ATRN: variants seen among roughly 807,000 people sequenced by gnomAD.
ATRN encodes the protein attractin-2.
ATRN carries 54 observed loss-of-function variants against 178.7 expected under a neutral mutation model. That is an observed-to-expected ratio of 0.30 (90% confidence interval 0.24 to 0.38). ATRN has a LOEUF of 0.38. ATRN is among the 10% of genes least tolerant of loss of function. The pLI, the probability that ATRN is intolerant of heterozygous loss-of-function variation, is 1.00. For synonymous variants in ATRN, 636 were observed against 663.0 expected, an observed-to-expected ratio of 0.96 and a Z score of 0.63; for missense variants, 1,443 against 1,815.1, an observed-to-expected ratio of 0.79 and a Z score of 3.73.
chr20:3,479,583 A>G (rs1345506823), intron 1 of ATRN, among the ~76,000 whole-genome samples: 1 of 152,194 alleles, frequency 6.6e-6, no homozygotes, highest in East Asian at 1.9e-4. Flanking sequence ...GGATTATCAT[A>G]CTTAGTGTAT....
intron 1 of ATRN, among the ~76,000 whole-genome samples, chr20:3,474,998 C>G (rs1284554402): frequency 1.4e-5 from 2 of 146,182 alleles, no homozygotes; most frequent in African/African-American, 2.6e-5. Flanking sequence ...CGCCATTGCA[C>G]TCCAGACCAG....
At chr20:3,488,164 G>A (rs914136256) in intron 1 of ATRN, among the ~76,000 whole-genome samples, 1 of 152,126 alleles carries the variant, frequency 6.6e-6, no homozygotes, top group Non-Finnish European at 1.5e-5. Context: ...TCAGCTGGCA[G>A]TTAAAATGAT....
intron 20 of ATRN, among the ~76,000 whole-genome samples, chr20:3,596,171 A>G (rs2086525297): frequency 6.6e-6 from 1 of 152,172 alleles, no homozygotes; most frequent in Admixed American, 6.5e-5. Flanking sequence ...TTGTCCTCAT[A>G]TAGTTGGTGT....
intron 1 of ATRN, among the ~76,000 whole-genome samples, chr20:3,492,098 T>C (rs1448705360): frequency 6.6e-6 from 1 of 152,034 alleles, no homozygotes; most frequent in Non-Finnish European, 1.5e-5. Context: ...TTGCCTAATA[T>C]TCAGGGCCCT....
intron 12 of ATRN, among the ~76,000 whole-genome samples, chr20:3,573,899 G>A (rs1332183493): frequency 6.6e-6 from 1 of 151,826 alleles, no homozygotes; most frequent in Non-Finnish European, 1.5e-5. Context: ...CACCATGCTC[G>A]GCTAGTTTTT....
In ATRN at chr20:3,602,190, C is replaced by T. The variant is rs190698204; in HGVS notation, c.3643+1166C>T. ...ACTAAAAATACAAAAATCAGCCAGG[C>T]GTGGAGGCACGTGCCTGTAATCCCA... On this transcript the variant is annotated intron_variant, in intron 23 of 28. Coordinates refer to ENST00000262919, the MANE Select transcript of ATRN (RefSeq NM_139321.3). 1.0e-3 allele frequency among the ~76,000 whole-genome samples: 158 copies of T among 151,434 alleles called. 5 individuals are homozygous for T. In the East Asian group the frequency reaches 0.028, roughly 27 times the overall value.
chr20:3,588,981 G>GTTTTT (rs386393128), intron 18 of ATRN, among the ~76,000 whole-genome samples: 4,217 of 99,664 alleles, frequency 0.042, 614 homozygotes, highest in South Asian at 0.058. Flanking sequence ...ATTTTCTTTT[G>GTTTTT]TTTTTTTTTT....
At position 3,584,672 on chromosome 20, in the gene ATRN, C is replaced by T. The variant is rs748413639; in HGVS notation, c.2976C>T (p.Thr992=). The change falls in exon 18 of 29, where the codon ACC becomes ACT. Residue 992 remains threonine (T), a synonymous_variant. Coordinates refer to ENST00000262919, the MANE Select transcript of ATRN (RefSeq NM_139321.3). ...CTGAAAATTGTTCAGGCTACTGTACCTGTAGTCATTGCTTGGAGCAACCAG... is the reference window on the plus strand; with the variant it reads ...CTGAAAATTGTTCAGGCTACTGTACTTGTAGTCATTGCTTGGAGCAACCAG... The part of the protein sequence containing the change: ...CPPENCSGYC[T]CSHCLEQPGC... The T allele has an allele frequency of 3.7e-6, 6 of 1,613,642 alleles. No homozygotes were observed. The highest frequency in any genetic ancestry group is 5.1e-6 in the Non-Finnish European group (6 of 1,179,924).
intron 6 of ATRN, among the ~76,000 whole-genome samples, chr20:3,550,546 C>T (rs979025897): frequency 6.6e-6 from 1 of 152,140 alleles, no homozygotes; most frequent in Admixed American, 6.6e-5. Context: ...TAGTAGATTT[C>T]CTCCAGGTTC....
intron 27 of ATRN, among the ~76,000 whole-genome samples, chr20:3,643,417 G>T (rs1165012165): frequency 6.6e-6 from 1 of 151,922 alleles, no homozygotes; most frequent in Non-Finnish European, 1.5e-5. Context: ...TTTAATCCCA[G>T]CACTTTGGGA....
In ATRN at chr20:3,562,457, G is replaced by A; in HGVS notation, c.1629G>A (p.Met543Ile). 1 of 1,613,654 alleles carries A rather than the reference G, an allele frequency of 6.2e-7. No homozygotes were observed. Among genetic ancestry groups the A allele is most frequent in the South Asian group, 1.1e-5 (1 of 90,952 alleles). ...ACCGATATGATGTGGATACCCAGAT[G>A]TGGTGGGTACTTTTTCTTGAGCTTT... ...DLYRYDVDTQ[M>I]WTILKDSRFF... The change falls in exon 9 of 29, where the codon ATG becomes ATA. Residue 543 changes from methionine (M) to isoleucine (I), a missense_variant and splice_region_variant. Physicochemically the swap from Met to Ile is conservative, Grantham distance 10 (BLOSUM62 1). This residue lies in a region of ATRN where 862 missense variants were observed against 972.1 expected (regional missense o/e 0.89). Transcript: ENST00000262919.
At chr20:3,509,497 AT>A (rs34739669) in intron 1 of ATRN, among the ~76,000 whole-genome samples, 480 of 143,634 alleles carry the variant, frequency 3.3e-3, no homozygotes, top group African/African-American at 5.1e-3. Flanking sequence ...CATGTTAACA[AT>A]TTTTTTTTTT....
rs771754163 is a variant in ATRN at position 3,624,529 on chromosome 20, A to G, written c.3820A>G (p.Ser1274Gly). The change falls in exon 25 of 29, where the codon AGC becomes GGC. Residue 1274 changes from serine to glycine, a missense_variant. Transcript: ENST00000262919. The stretch of plus-strand genomic sequence containing the variant: ...GTCACAGATTGCCTTCTCTCAGCAC[A>G]GCAATTTTATGGACCTGGTACAGTT... ...IKIQIAFSQH[S>G]NFMDLVQFFV... The G allele has an allele frequency of 1.9e-6, 3 of 1,614,106 alleles. No homozygotes were observed. Among genetic ancestry groups the G allele is most frequent in the Non-Finnish European group, 2.5e-6 (3 of 1,179,954 alleles).
rs895194568 is a variant in ATRN at position 3,519,010 on chromosome 20, A to T, written c.411-16243A>T. Among the ~76,000 whole-genome samples the T allele has an allele frequency of 1.0e-4, 15 of 149,006 alleles. 1 individual carries two copies. The highest frequency in any genetic ancestry group is 2.0e-4 in the Admixed American group (3 of 14,882). On this transcript the variant is annotated intron_variant, in intron 1 of 28. Transcript: ENST00000262919. ...TTCAATAAACATCCTTATATATAAAAAAAAAAAAAAGAAAGAAAACTGTAG... is the reference window on the plus strand; with the variant it reads ...TTCAATAAACATCCTTATATATAAATAAAAAAAAAAGAAAGAAAACTGTAG...
At position 3,549,172 on chromosome 20, in the gene ATRN, C is replaced by G; in HGVS notation, c.946C>G (p.Pro316Ala). The change falls in exon 6 of 29, where the codon CCT becomes GCT. Residue 316 changes from proline (P) to alanine (A), a missense_variant and splice_region_variant. Physicochemically the swap from Pro to Ala is conservative, Grantham distance 27. This residue lies in a region of ATRN where 862 missense variants were observed against 972.1 expected (regional missense o/e 0.89). Transcript: ENST00000262919. ...GCSCFSDWQG[P>A]GCSVPVPANQ... ...CTAATTCATTATGTTTTTATTAGGT[C>G]CTGGATGTTCAGTTCCTGTACCAGC... is the stretch of plus-strand genomic sequence containing the variant. 2 of 1,598,572 alleles carry G rather than the reference C, an allele frequency of 1.3e-6. No homozygotes were observed. Among genetic ancestry groups the G allele is most frequent in the South Asian group, 2.3e-5 (2 of 87,468 alleles).
chr20:3,639,324 G>A (rs235552), intron 27 of ATRN, among the ~76,000 whole-genome samples: 3,510 of 152,068 alleles, frequency 0.023, 102 homozygotes, highest in African/African-American at 0.069. Flanking sequence ...GCATGATCTC[G>A]GCTCACTGCA....
intron 1 of ATRN, chr20:3,489,864 C>G (rs879118091): frequency 7.8e-7 from 1 of 1,283,614 alleles, no homozygotes; most frequent in Non-Finnish European, 1.1e-6. Context: ...GTAGGGAATG[C>G]GTTTGCCATC....
At chr20:3,476,868 A>G (rs2084539058) in intron 1 of ATRN, among the ~76,000 whole-genome samples, 2 of 152,268 alleles carry the variant, frequency 1.3e-5, no homozygotes, top group Admixed American at 6.5e-5. Flanking sequence ...CTCGAAAGAA[A>G]GAAAGAAAAT....
chr20:3,565,604 A>G (rs1793697073), intron 11 of ATRN, among the ~76,000 whole-genome samples, 172 bp downstream of exon 11: 1 of 152,134 alleles, frequency 6.6e-6, no homozygotes, highest in South Asian at 2.1e-4. Flanking sequence ...CATCTCTACT[A>G]AAAGTACAAA....
Sources: gnomAD v4.1 joint callset for allele counts (sites outside exome capture counted in the v4.1 genomes callset) on GRCh38, gnomAD v4.1.1 for gene constraint, gnomAD v4.1.1 regional missense constraint, MANE v1.5 for transcripts, NCBI Gene and HGNC (gene_info 2026-07-23, HGNC 2026-07-21) for gene names.